Variants in CALN1 observed in about 807,000 individuals in gnomAD.
CALN1 encodes the protein calneuron 1.
In CALN1, 17 loss-of-function variants were observed where a neutral mutation model predicts 30.6. The ratio of observed to expected loss-of-function variants is 0.56; its 90% confidence interval spans 0.38 to 0.83. The LOEUF (loss-of-function observed/expected upper bound fraction) is 0.83, where lower values mean the gene tolerates loss of function less well. Among genes scored for constraint, CALN1 ranks in the 40% least tolerant of loss-of-function variants. The pLI is 0.00. For missense variants in CALN1, 291 were observed against 354.9 expected, an observed-to-expected ratio of 0.82 and a Z score of 1.45; for synonymous variants, 156 against 131.4, an observed-to-expected ratio of 1.19 and a Z score of -1.28.
intron 3 of CALN1, among the ~76,000 whole-genome samples, chr7:72,125,178 A>G (rs1808659303): frequency 6.6e-6 from 1 of 151,978 alleles, no homozygotes; most frequent in African/African-American, 2.4e-5. Flanking sequence ...ACTCCCAGCT[A>G]ATCTGTGTAT....
chr7:72,132,117 G>C (rs967652000), intron 3 of CALN1, among the ~76,000 whole-genome samples: 33 of 152,054 alleles, frequency 2.2e-4, no homozygotes, highest in African/African-American at 7.0e-4. Flanking sequence ...TCGCTCTATA[G>C]ATGCCCCCTC....
chr7:72,081,953 T>C (rs1805174066), intron 4 of CALN1, among the ~76,000 whole-genome samples: 1 of 152,080 alleles, frequency 6.6e-6, no homozygotes, highest in Non-Finnish European at 1.5e-5. Context: ...ATGGTAGACA[T>C]GGGCTTCAAG....
intron 5 of CALN1, among the ~76,000 whole-genome samples, chr7:71,886,957 G>A (rs1220287793): frequency 2.6e-5 from 4 of 152,100 alleles, no homozygotes; most frequent in African/African-American, 9.7e-5. Context: ...AAAGTGCTGT[G>A]AGAACTTAGG....
the CALN1 span, among the ~76,000 whole-genome samples, chr7:72,469,400 T>G: frequency 6.6e-6 from 1 of 152,196 alleles, no homozygotes; most frequent in Admixed American, 6.6e-5. Flanking sequence ...TATTTTATTT[T>G]ATTATTTTAT....
upstream of CALN1, among the ~76,000 whole-genome samples, chr7:72,447,652 C>T (rs944285965): frequency 6.6e-6 from 1 of 152,136 alleles, no homozygotes; most frequent in Non-Finnish European, 1.5e-5. Context: ...TACCCATGTA[C>T]ACACACACCT....
intron 4 of CALN1, among the ~76,000 whole-genome samples, chr7:72,056,039 T>C (rs1407857244): frequency 1.3e-5 from 2 of 152,010 alleles, no homozygotes; most frequent in Non-Finnish European, 2.9e-5. Flanking sequence ...ATAAAAGACA[T>C]TTAGGACCCA....
intron 3 of CALN1, among the ~76,000 whole-genome samples, chr7:72,190,047 TAAAC>T (rs377137345): frequency 2.5e-4 from 38 of 152,036 alleles, no homozygotes; most frequent in African/African-American, 5.3e-4. Context: ...AAATGGTGGG[TAAAC>T]AAACAAACAA....
chr7:71,905,097 C>G (rs972333477), intron 5 of CALN1, among the ~76,000 whole-genome samples: 2 of 152,020 alleles, frequency 1.3e-5, no homozygotes, highest in Non-Finnish European at 2.9e-5. Flanking sequence ...TGTGACCATG[C>G]CCAACTAATT....
At chr7:71,893,310 C>T (rs1397714462) in intron 5 of CALN1, among the ~76,000 whole-genome samples, 2 of 152,154 alleles carry the variant, frequency 1.3e-5, no homozygotes, top group African/African-American at 4.8e-5. Context: ...CCTCCCACTA[C>T]AAAGAATTGT....
intron 5 of CALN1, among the ~76,000 whole-genome samples, chr7:71,820,803 T>C (rs1788542661): frequency 6.6e-6 from 1 of 152,192 alleles, no homozygotes; most frequent in Non-Finnish European, 1.5e-5. Context: ...AAACTACCCT[T>C]TGCTGATACA....
intron 5 of CALN1, among the ~76,000 whole-genome samples, chr7:71,827,255 A>G (rs1010956009): frequency 2.6e-5 from 4 of 152,160 alleles, no homozygotes; most frequent in African/African-American, 9.7e-5. Context: ...AGGGATGGCC[A>G]CAGGACTGGG....
At chr7:72,076,701 G>T (rs1286856885) in intron 4 of CALN1, among the ~76,000 whole-genome samples, 1 of 122,148 alleles carries the variant, frequency 8.2e-6, no homozygotes, top group Admixed American at 1.1e-4. Context: ...TCTCCAGAAT[G>T]AAAACAGTAG....
intron 1 of CALN1, among the ~76,000 whole-genome samples, chr7:72,410,597 C>T (rs1807056351): frequency 6.6e-6 from 1 of 152,198 alleles, no homozygotes; most frequent in African/African-American, 2.4e-5. Context: ...AGTGAGACTT[C>T]TCAGGAGCCC....
chr7:72,237,599 A>G (rs962773737), intron 3 of CALN1, among the ~76,000 whole-genome samples: 6 of 152,202 alleles, frequency 3.9e-5, no homozygotes, highest in Non-Finnish European at 1.5e-5. Context: ...ACTGCCTGTT[A>G]GAGCATTTCA....
intron 5 of CALN1, among the ~76,000 whole-genome samples, chr7:71,990,830 A>G (rs555008226): frequency 6.6e-6 from 1 of 152,258 alleles, no homozygotes; most frequent in East Asian, 1.9e-4. Context: ...GACTCGCACC[A>G]AATTCTTTCT....
At chr7:71,804,822 C>T (rs994012062) in intron 6 of CALN1, among the ~76,000 whole-genome samples, 8 of 152,020 alleles carry the variant, frequency 5.3e-5, no homozygotes, top group African/African-American at 7.2e-5. Context: ...ATTATCAGGA[C>T]GTGGTGGCGC....
intron 3 of CALN1, among the ~76,000 whole-genome samples, chr7:72,215,435 A>C (rs1792721789): frequency 6.6e-6 from 1 of 152,052 alleles, no homozygotes; most frequent in African/African-American, 2.4e-5. Flanking sequence ...CTCTACCAAA[A>C]ATACAAAAAT....
chr7:71,949,941 T>A (rs1285286277), intron 5 of CALN1, among the ~76,000 whole-genome samples: 2 of 152,012 alleles, frequency 1.3e-5, no homozygotes, highest in Non-Finnish European at 2.9e-5. Flanking sequence ...TTTTTGTATT[T>A]TTAGTAGAGA....
In CALN1 at chr7:71,801,775, G is replaced by A. The variant is rs565953108; in HGVS notation, c.658+8561C>T. ...GTGGATCACCTGAGGTCAGGAGTTCGAGACCAGCCTGGCCAACATGGTGAA... is the reference window on the plus strand; with the variant it reads ...GTGGATCACCTGAGGTCAGGAGTTCAAGACCAGCCTGGCCAACATGGTGAA... On this transcript the variant is annotated intron_variant, in intron 6 of 6. Coordinates refer to ENST00000395275, the MANE Select transcript of CALN1 (RefSeq NM_031468.4). 9.2e-5 allele frequency among the ~76,000 whole-genome samples: 14 copies of A among 152,006 alleles called. No individual in the cohort carries two copies. The East Asian group carries it at 2.3e-3, about 25-fold the overall frequency.
Sources: gnomAD v4.1 joint callset for allele counts (sites outside exome capture counted in the v4.1 genomes callset) on GRCh38, gnomAD v4.1.1 for gene constraint, MANE v1.5 for transcripts, NCBI Gene and HGNC (gene_info 2026-07-23, HGNC 2026-07-21) for gene names.